Variants in EML4 observed in about 807,000 individuals in gnomAD.
The protein encoded by EML4 is echinoderm microtubule-associated protein-like 4.
A neutral mutation model predicts 129.0 loss-of-function variants in EML4; 72 were observed. The observed-to-expected ratio is 0.56, with a 90% confidence interval of 0.46 to 0.68. The LOEUF (loss-of-function observed/expected upper bound fraction) is 0.68. Among genes scored for constraint, EML4 ranks in the 30% least tolerant of loss-of-function variants. The probability of loss-of-function intolerance (pLI) is 0.00; values close to 1 mark genes in which losing one functional copy is unlikely to be tolerated. For missense variants in EML4, 1,363 were observed against 1,190.6 expected (o/e 1.14, Z -2.13); for synonymous variants, 532 against 405.0 (o/e 1.31, Z -3.77).
chr2:42,283,434 A>ACATCCTTTT (rs1369213934), intron 8 of EML4, among the ~76,000 whole-genome samples: 25 of 152,242 alleles, frequency 1.6e-4, no homozygotes, highest in African/African-American at 6.0e-4. Context: ...GTCATACTAC[A>ACATCCTTTT]AATGTGAGAA....
chr2:42,331,802 GGT>G lies in EML4; in HGVS notation c.*1603_*1604del, dbSNP rs1670114016. 1 of 222,368 alleles carries G rather than the reference GGT, an allele frequency of 4.5e-6. No homozygotes were observed. Among genetic ancestry groups the G allele is most frequent in the Non-Finnish European group, 9.0e-6 (1 of 110,906 alleles). The allele number at this position is 222,368 out of a possible 1,614,324, so 13.8% of individuals were successfully genotyped here. On this transcript the variant is annotated 3_prime_UTR_variant, in exon 23 of 23. Coordinates refer to ENST00000318522, the MANE Select transcript of EML4 (RefSeq NM_019063.5). ...TTCACACGCTGTATGGAAGGGTGTGGGTGTGTGTGAAGGGGCGAGTGGAGACA... is the reference window on the plus strand; with the variant it reads ...TTCACACGCTGTATGGAAGGGTGTGGGTGTGTGAAGGGGCGAGTGGAGACA...
At chr2:42,207,229 A>G (rs1039750100) in intron 1 of EML4, among the ~76,000 whole-genome samples, 4 of 152,218 alleles carry the variant, frequency 2.6e-5, no homozygotes, top group African/African-American at 9.6e-5. Flanking sequence ...TTTAAATACA[A>G]CCAAAACTTT....
chr2:42,316,043 C>T lies in EML4; in HGVS notation c.2049C>T (p.Tyr683=). The T allele has an allele frequency of 6.2e-7, 1 of 1,611,752 alleles. No individual in the cohort carries two copies. Among genetic ancestry groups the T allele is most frequent in the Non-Finnish European group, 8.5e-7 (1 of 1,178,216 alleles). The part of the protein sequence containing the change: ...DGNEQLSVMR[Y]SIDGTFLAVG... ...ATGAACAGCTCTCTGTGATGCGCTACTCAATAGGTAGGCAAATTTACTCCC... is the reference window on the plus strand; with the variant it reads ...ATGAACAGCTCTCTGTGATGCGCTATTCAATAGGTAGGCAAATTTACTCCC... The change falls in exon 18 of 23, where the codon TAC becomes TAT. Residue 683 remains tyrosine, a synonymous_variant. Transcript: ENST00000318522.
chr2:42,327,133 A>G (rs985170685), intron 21 of EML4, among the ~76,000 whole-genome samples: 2 of 152,306 alleles, frequency 1.3e-5, no homozygotes, highest in African/African-American at 2.4e-5. Flanking sequence ...GTGATTTAGC[A>G]TAACGTTTTC....
rs1670040695 is a variant in EML4, at chr2:42,330,338, T to G, written c.*131T>G. ...TTGGTTTCCATGTGATTTGTTTTCT[T>G]CAATAGTCTTATTTTCAGTCTCTCA... On this transcript the variant is annotated 3_prime_UTR_variant, in exon 23 of 23. Coordinates refer to ENST00000318522, the MANE Select transcript of EML4 (RefSeq NM_019063.5). 1.2e-6 allele frequency: 1 copy of G among 806,656 alleles called. No homozygotes were observed. Among genetic ancestry groups the G allele is most frequent in the South Asian group, 1.5e-5 (1 of 68,898 alleles). The allele number at this position is 806,656 out of a possible 1,614,324, so 50.0% of individuals were successfully genotyped here. A position where few individuals can be genotyped will look rare whatever the true frequency, so the allele number is the denominator to read the frequency against.
At chr2:42,177,029 G>A (rs1479672862) in intron 1 of EML4, among the ~76,000 whole-genome samples, 1 of 152,142 alleles carries the variant, frequency 6.6e-6, no homozygotes. Flanking sequence ...CTGACCTCAA[G>A]TGATCTGCCC....
intron 1 of EML4, among the ~76,000 whole-genome samples, chr2:42,213,372 A>G (rs555419482): frequency 1.3e-5 from 2 of 152,268 alleles, no homozygotes; most frequent in East Asian, 1.9e-4. Flanking sequence ...TCTTTTGCTC[A>G]GTATTATGTT....
intron 1 of EML4, among the ~76,000 whole-genome samples, chr2:42,206,224 A>AT (rs906358554): frequency 1.6e-4 from 25 of 152,054 alleles, no homozygotes; most frequent in Non-Finnish European, 3.4e-4. Flanking sequence ...TAATTAATAT[A>AT]TTTTTTAGAG....
intron 1 of EML4, among the ~76,000 whole-genome samples, chr2:42,209,877 C>G (rs1212981495): frequency 6.6e-6 from 1 of 152,056 alleles, no homozygotes; most frequent in Non-Finnish European, 1.5e-5. Context: ...TGCAGGGAGC[C>G]AAGATCATGC....
chr2:42,313,844 G>A (rs1381670835), intron 17 of EML4, among the ~76,000 whole-genome samples: 1 of 151,740 alleles, frequency 6.6e-6, no homozygotes, highest in Non-Finnish European at 1.5e-5. Flanking sequence ...CACGAGAATC[G>A]CTTGAACCCG....
intron 1 of EML4, among the ~76,000 whole-genome samples, chr2:42,193,008 G>C (rs567092718): frequency 6.6e-6 from 1 of 152,174 alleles, no homozygotes; most frequent in African/African-American, 2.4e-5. Context: ...TGTTTGGCTG[G>C]TTGGCTCCAC....
intron 6 of EML4, among the ~76,000 whole-genome samples, chr2:42,271,703 C>T (rs892190942): frequency 6.6e-5 from 10 of 150,786 alleles, no homozygotes; most frequent in Admixed American, 6.6e-5. Flanking sequence ...TTTTGCTATA[C>T]ACATACTTTT....
intron 17 of EML4, among the ~76,000 whole-genome samples, chr2:42,308,540 T>C (rs577446902): frequency 6.6e-6 from 1 of 152,252 alleles, no homozygotes; most frequent in South Asian, 2.1e-4. Flanking sequence ...AAGGATTCTT[T>C]TTAACAACTT....
chr2:42,266,650 C>CT (rs35088865), intron 6 of EML4, among the ~76,000 whole-genome samples: 98 of 145,638 alleles, frequency 6.7e-4, no homozygotes, highest in South Asian at 1.3e-3. Context: ...GGTCCGAAAA[C>CT]TTTTTTTTTT....
chr2:42,244,099 TTG>T (rs1293840200), intron 1 of EML4, among the ~76,000 whole-genome samples: 1 of 46,932 alleles, frequency 2.1e-5, no homozygotes, highest in African/African-American at 8.5e-5. Flanking sequence ...TTTTTGTTTT[TTG>T]TTTTTTTTTT....
intron 1 of EML4, among the ~76,000 whole-genome samples, chr2:42,172,950 C>G (rs1000785733): frequency 9.9e-5 from 15 of 152,244 alleles, no homozygotes; most frequent in Middle Eastern, 3.4e-3. Context: ...TGAAAGAAAC[C>G]TTATACCTAA....
In EML4 at chr2:42,256,515, C is replaced by A; in HGVS notation, c.223C>A (p.Arg75=). Reference sequence around the variant, plus strand: ...ATTATCTTTAGGCCAACCAAGCCCTCGAGCAGTTATTCCCATGTCCTGTAT... The same window carrying A: ...ATTATCTTTAGGCCAACCAAGCCCTAGAGCAGTTATTCCCATGTCCTGTAT... The part of the protein sequence containing the change: ...SVSSKGQPSP[R]AVIPMSCITN... Residue 75 remains arginine, a synonymous_variant, in exon 3 of 23, where the codon CGA becomes AGA. Transcript: ENST00000318522. The A allele has an allele frequency of 6.2e-7, 1 of 1,605,014 alleles. No individual in the cohort carries two copies. The highest frequency in any genetic ancestry group is 8.5e-7 in the Non-Finnish European group (1 of 1,174,774).
At chr2:42,329,453 C>T (rs897479717) in intron 22 of EML4, among the ~76,000 whole-genome samples, 3 of 152,154 alleles carry the variant, frequency 2.0e-5, no homozygotes, top group Admixed American at 6.5e-5. Flanking sequence ...GGCAAGTATA[C>T]GACCAACATC....
intron 1 of EML4, among the ~76,000 whole-genome samples, chr2:42,236,838 C>T (rs1035007705): frequency 2.6e-5 from 4 of 152,088 alleles, no homozygotes; most frequent in Non-Finnish European, 2.9e-5. Context: ...TCACACTTTA[C>T]GTTTTTGGCC....
Sources: gnomAD v4.1 joint callset for allele counts (sites outside exome capture counted in the v4.1 genomes callset) on GRCh38, gnomAD v4.1.1 for gene constraint, MANE v1.5 for transcripts, NCBI Gene and HGNC (gene_info 2026-07-23, HGNC 2026-07-21) for gene names.